Variants in HS2ST1 observed in about 807,000 individuals in gnomAD.
HS2ST1 encodes the protein heparan sulfate 2-O-sulfotransferase 1.
Under a neutral mutation model 42.9 loss-of-function variants are expected in HS2ST1, and 18 were observed. The observed-to-expected ratio is 0.42, with a 90% CI of 0.29 to 0.62. The LOEUF (loss-of-function observed/expected upper bound fraction) is 0.62. Among genes scored for constraint, HS2ST1 ranks in the 20% least tolerant of loss-of-function variants. The probability of loss-of-function intolerance (pLI) is 0.21; values close to 1 mark genes in which losing one functional copy is unlikely to be tolerated. For synonymous variants in HS2ST1, 146 were observed against 152.9 expected (o/e 0.95, Z 0.33); for missense variants, 334 against 433.8 (o/e 0.77, Z 2.04).
intron 1 of HS2ST1, among the ~76,000 whole-genome samples, chr1:86,998,299 C>A: frequency 6.6e-6 from 1 of 152,208 alleles, no homozygotes. Flanking sequence ...TCCACAGGAA[C>A]ATACAGCATT....
chr1:87,002,629 AG>A (rs1156814648), intron 1 of HS2ST1, among the ~76,000 whole-genome samples: 141 of 147,764 alleles, frequency 9.5e-4, no homozygotes, highest in Non-Finnish European at 1.1e-3. Flanking sequence ...AAAAAGAAAA[AG>A]AAAAAAAAGA....
At chr1:87,035,459 G>C (rs898138692) in intron 1 of HS2ST1, among the ~76,000 whole-genome samples, 1 of 152,168 alleles carries the variant, frequency 6.6e-6, no homozygotes, top group African/African-American at 2.4e-5. Context: ...ATATCACATA[G>C]TTGAGTTCAT....
chr1:87,059,748 A>AT (rs1294224733), intron 1 of HS2ST1, among the ~76,000 whole-genome samples: 9 of 152,246 alleles, frequency 5.9e-5, no homozygotes, highest in Non-Finnish European at 1.2e-4. Flanking sequence ...TGGTAAAAGA[A>AT]TTTTTTTCCC....
In HS2ST1 at chr1:87,045,288, A is replaced by G. The variant is rs555445715; in HGVS notation, c.125-27646A>G. On this transcript the variant is annotated intron_variant, in intron 1 of 6. Coordinates refer to ENST00000370550, the MANE Select transcript of HS2ST1 (RefSeq NM_012262.4). ...ATCAATAAAGTATAGTCCTGGAGGA[A>G]GTAATCTGCTTGAAGCCAGCTGCAA... 300 of 1,111,780 alleles carry G rather than the reference A, an allele frequency of 2.7e-4. 1 individual carries two copies. The highest frequency in any genetic ancestry group is 3.6e-4 in the Non-Finnish European group (261 of 722,404). 68.9% of individuals were successfully genotyped at this position (1,111,780 alleles called of 1,614,324 possible). A position where few individuals can be genotyped will look rare whatever the true frequency, so the allele number is the denominator to read the frequency against.
intron 5 of HS2ST1, among the ~76,000 whole-genome samples, chr1:87,102,050 T>TATC (rs1488992218): frequency 6.6e-6 from 1 of 150,790 alleles, no homozygotes; most frequent in Non-Finnish European, 1.5e-5. Flanking sequence ...CCCAGTCGTT[T>TATC]ATTATTATTA....
intron 1 of HS2ST1, among the ~76,000 whole-genome samples, chr1:86,935,613 C>T (rs1337850388): frequency 2.0e-5 from 3 of 151,616 alleles, no homozygotes; most frequent in African/African-American, 4.8e-5. Context: ...CAGGCGTGCA[C>T]CACCACTCCC....
intron 1 of HS2ST1, among the ~76,000 whole-genome samples, chr1:87,028,441 A>G (rs1268919075): frequency 6.6e-6 from 1 of 152,258 alleles, no homozygotes; most frequent in Admixed American, 6.5e-5. Context: ...GTACCCATTG[A>G]AGAGTATCCC....
intron 1 of HS2ST1, among the ~76,000 whole-genome samples, chr1:86,979,408 T>C: frequency 6.6e-6 from 1 of 152,218 alleles, no homozygotes; most frequent in African/African-American, 2.4e-5. Context: ...TATCTCTGTA[T>C]GTGAATTTGA....
intron 1 of HS2ST1, among the ~76,000 whole-genome samples, chr1:87,051,995 G>A (rs1472549264): frequency 1.3e-5 from 2 of 152,220 alleles, no homozygotes; most frequent in East Asian, 3.8e-4. Flanking sequence ...GTTTACACCT[G>A]TAATCCCAGC....
At chr1:86,948,947 G>T (rs1647419903) in intron 1 of HS2ST1, among the ~76,000 whole-genome samples, 1 of 152,258 alleles carries the variant, frequency 6.6e-6, no homozygotes, top group East Asian at 1.9e-4. Context: ...GAGAGTCTGT[G>T]TAAGGTACCT....
At position 87,041,225 on chromosome 1, in the gene HS2ST1, TAAAAAAAAAAAAAAAC is replaced by T. The variant is rs201822766; in HGVS notation, c.125-31695_125-31680del. ...AAAAATAGCGAGACCTTGTCTCTACTAAAAAAAAAAAAAAACAAAAAAAAAAAAAGTGTGCACCTGT... is the reference window on the plus strand; with the variant it reads ...AAAAATAGCGAGACCTTGTCTCTACTAAAAAAAAAAAAAGTGTGCACCTGT... On this transcript the variant is annotated intron_variant, in intron 1 of 6. Coordinates refer to ENST00000370550, the MANE Select transcript of HS2ST1 (RefSeq NM_012262.4). 1.7e-3 allele frequency among the ~76,000 whole-genome samples: 43 copies of T among 24,880 alleles called. 1 individual carries two copies. Among genetic ancestry groups the T allele is most frequent in the Admixed American group, 0.01 (18 of 1,738 alleles). 16.3% of individuals were successfully genotyped at this position (24,880 alleles called of 152,430 possible).
At chr1:87,100,489 C>T (rs1200817659) in intron 5 of HS2ST1, among the ~76,000 whole-genome samples, 1 of 152,202 alleles carries the variant, frequency 6.6e-6, no homozygotes, top group East Asian at 1.9e-4. Flanking sequence ...GAGGGGCAGC[C>T]TGGAAGATCT....
At chr1:87,026,227 C>T (rs1290937767) in intron 1 of HS2ST1, among the ~76,000 whole-genome samples, 2 of 152,176 alleles carry the variant, frequency 1.3e-5, no homozygotes, top group Admixed American at 1.3e-4. Context: ...TGTTTATTGG[C>T]CCCTTCCTTC....
At chr1:86,942,284 C>T (rs191586645) in intron 1 of HS2ST1, among the ~76,000 whole-genome samples, 1 of 152,194 alleles carries the variant, frequency 6.6e-6, no homozygotes, top group Admixed American at 6.5e-5. Flanking sequence ...TCACTCAAAC[C>T]AGCCAACTCT....
At chr1:86,946,129 A>T (rs572564603) in intron 1 of HS2ST1, among the ~76,000 whole-genome samples, 317 of 152,196 alleles carry the variant, frequency 2.1e-3, no homozygotes, top group Non-Finnish European at 4.1e-3. Flanking sequence ...ATGTGTTAAA[A>T]TTTTTTTTAA....
intron 1 of HS2ST1, among the ~76,000 whole-genome samples, chr1:87,055,617 C>A (rs1650945953): frequency 6.6e-6 from 1 of 152,198 alleles, no homozygotes; most frequent in Admixed American, 6.5e-5. Context: ...AGAAGTTGTT[C>A]TGAAAGTGCA....
chr1:87,035,053 G>T (rs1051340999), intron 1 of HS2ST1, among the ~76,000 whole-genome samples: 1 of 152,194 alleles, frequency 6.6e-6, no homozygotes. Flanking sequence ...CTGTGCAGCT[G>T]GAGGATGGAG....
At chr1:87,060,584 A>C (rs1470625262) in intron 1 of HS2ST1, among the ~76,000 whole-genome samples, 1 of 152,164 alleles carries the variant, frequency 6.6e-6, no homozygotes, top group Non-Finnish European at 1.5e-5. Context: ...AAACCACAAC[A>C]CAGCATGGGT....
intron 1 of HS2ST1, chr1:87,045,819 C>A: frequency 1.3e-6 from 1 of 774,508 alleles, no homozygotes; most frequent in Non-Finnish European, 2.3e-6. Context: ...ATCCTTATCC[C>A]ATGTGAGCTC....
Sources: gnomAD v4.1 joint callset for allele counts (sites outside exome capture counted in the v4.1 genomes callset) on GRCh38, gnomAD v4.1.1 for gene constraint, MANE v1.5 for transcripts, NCBI Gene and HGNC (gene_info 2026-07-23, HGNC 2026-07-21) for gene names.